The following GLRX3 variants were observed in gnomAD, a reference collection of about 807,000 sequenced individuals.
GLRX3 encodes glutaredoxin 3.
GLRX3 carries 22 observed loss-of-function variants against 49.5 expected under a neutral mutation model. The ratio of observed to expected loss-of-function variants is 0.44; its 90% CI spans 0.32 to 0.63. The LOEUF (loss-of-function observed/expected upper bound fraction) is 0.63. Ranked by LOEUF, GLRX3 falls within the 30% of genes least tolerant of loss-of-function variation. The pLI is 0.05. For synonymous variants in GLRX3, 133 were observed against 140.0 expected, an observed-to-expected ratio of 0.95 and a Z score of 0.35; for missense variants, 385 against 396.3, an observed-to-expected ratio of 0.97 and a Z score of 0.24.
chr10:130,169,037 T>C (rs754894867), intron 6 of GLRX3, among the ~76,000 whole-genome samples: 3 of 152,170 alleles, frequency 2.0e-5, no homozygotes, highest in African/African-American at 2.4e-5. Context: ...CTTGTGAGCT[T>C]TACACGTGTA....
chr10:130,146,402 G>A (rs2045437060), intron 2 of GLRX3, among the ~76,000 whole-genome samples: 1 of 152,166 alleles, frequency 6.6e-6, no homozygotes. Context: ...AGAATGTAGA[G>A]GAAGATGGAA....
chr10:130,158,302 T>A (rs1007970844), intron 2 of GLRX3, among the ~76,000 whole-genome samples: 1 of 151,696 alleles, frequency 6.6e-6, no homozygotes, highest in African/African-American at 2.4e-5. Context: ...AACCTCTGCC[T>A]CCCGGGTTCA....
At chr10:130,177,515 A>G (rs1481453484) in intron 10 of GLRX3, among the ~76,000 whole-genome samples, 1 of 152,162 alleles carries the variant, frequency 6.6e-6, no homozygotes, top group Non-Finnish European at 1.5e-5. Flanking sequence ...AGCCTCAGAG[A>G]GCAGAATTCT....
chr10:130,139,697 C>G (rs1263210561), intron 1 of GLRX3, among the ~76,000 whole-genome samples: 1 of 151,266 alleles, frequency 6.6e-6, no homozygotes, highest in East Asian at 1.9e-4. Flanking sequence ...GCAAACCCAG[C>G]ACTTTGGGAG....
intron 7 of GLRX3, among the ~76,000 whole-genome samples, chr10:130,171,213 T>C (rs186838724): frequency 2.4e-3 from 365 of 152,304 alleles, no homozygotes; most frequent in Non-Finnish European, 3.3e-3. Context: ...GTCATAATCA[T>C]TGCAAAAAGG....
intron 2 of GLRX3, among the ~76,000 whole-genome samples, chr10:130,150,876 C>T (rs1224443359): frequency 6.6e-6 from 1 of 150,944 alleles, no homozygotes; most frequent in Non-Finnish European, 1.5e-5. Flanking sequence ...TGTTGGATTT[C>T]ATTCTACAGG....
chr10:130,144,403 C>T (rs949149081), intron 1 of GLRX3, among the ~76,000 whole-genome samples: 2 of 151,124 alleles, frequency 1.3e-5, no homozygotes, highest in Non-Finnish European at 2.9e-5. Flanking sequence ...AACCCATCAT[C>T]TAGGTTTTAA....
chr10:130,163,291 G>A (rs1225085426), intron 4 of GLRX3, among the ~76,000 whole-genome samples: 1 of 152,068 alleles, frequency 6.6e-6, no homozygotes, highest in African/African-American at 2.4e-5. Flanking sequence ...TGGGCATGGT[G>A]GAGTCCTGTA....
At position 130,175,995 on chromosome 10, in the gene GLRX3, C is replaced by T. The variant is rs539135669; in HGVS notation, c.957+906C>T. On this transcript the variant is annotated intron_variant, in intron 10 of 10. Transcript: ENST00000331244. ...CCCGAAAAGTGGGTTGCTGACTGCC[C>T]TCAGGCCTTCCTCTTGCCTCAATCC... Among the ~76,000 whole-genome samples the T allele has an allele frequency of 2.8e-4, 43 of 152,306 alleles. No individual in the cohort carries two copies. In the East Asian group the frequency reaches 7.3e-3, roughly 26 times the overall value.
chr10:130,140,086 C>G (rs1862146035), intron 1 of GLRX3, among the ~76,000 whole-genome samples: 1 of 152,184 alleles, frequency 6.6e-6, no homozygotes, highest in Admixed American at 6.5e-5. Flanking sequence ...TTGCTGAAAT[C>G]TCAGCTGGTT....
intron 2 of GLRX3, among the ~76,000 whole-genome samples, chr10:130,153,656 TC>T (rs1465061315): frequency 6.6e-6 from 1 of 152,138 alleles, no homozygotes; most frequent in Non-Finnish European, 1.5e-5. Flanking sequence ...TGCTGCCTGA[TC>T]CTTCCTCTGG....
At chr10:130,167,893 C>T (rs1486877659) in intron 6 of GLRX3, among the ~76,000 whole-genome samples, 1 of 152,172 alleles carries the variant, frequency 6.6e-6, no homozygotes, top group African/African-American at 2.4e-5. Flanking sequence ...TACTCCTCAT[C>T]CCTTTTTTGA....
At chr10:130,169,278 A>C (rs1862755720) in intron 6 of GLRX3, among the ~76,000 whole-genome samples, 155 bp from the exon 7 acceptor site, 1 of 152,222 alleles carries the variant, frequency 6.6e-6, no homozygotes, top group African/African-American at 2.4e-5. Context: ...GAATGAAATC[A>C]AGGAAAATGT....
Position 130,156,011 on chromosome 10 carries a change from T to C in GLRX3, c.202-3984T>C, listed in dbSNP as rs530113976. On this transcript the variant is annotated intron_variant, in intron 2 of 10. Transcript: ENST00000331244. Reference sequence around the variant, plus strand: ...GCAGCAGCCATGAAGTGGAACATGGTGTAGGGAGGCGCTTGGCTCCAGAGA... The same window carrying C: ...GCAGCAGCCATGAAGTGGAACATGGCGTAGGGAGGCGCTTGGCTCCAGAGA... Among the ~76,000 whole-genome samples the C allele has an allele frequency of 6.5e-4, 99 of 152,300 alleles. No individual in the cohort carries two copies. In the Middle Eastern group the frequency reaches 0.041, roughly 63 times the overall value.
chr10:130,161,110 G>T (rs559445412), intron 4 of GLRX3, 113 bp downstream of exon 4: 258 of 702,654 alleles, frequency 3.7e-4, no homozygotes, highest in Admixed American at 6.6e-4. Flanking sequence ...TCTTATACTT[G>T]TGTTCACATA....
chr10:130,139,026 TA>T, intron 1 of GLRX3, among the ~76,000 whole-genome samples: 1 of 151,816 alleles, frequency 6.6e-6, no homozygotes, highest in Non-Finnish European at 1.5e-5. Context: ...CACGCCTGGC[TA>T]ATTTTTGCAT....
intron 1 of GLRX3, among the ~76,000 whole-genome samples, chr10:130,144,787 AT>A (rs1862240788): frequency 6.6e-6 from 1 of 152,172 alleles, no homozygotes; most frequent in African/African-American, 2.4e-5. Context: ...ATGTGTCTTT[AT>A]AGTAGAATGA....
At position 130,160,912 on chromosome 10, in the gene GLRX3, A is replaced by T; in HGVS notation, c.393A>T (p.Glu131Asp). Residue 131 changes from glutamate (E) to aspartate (D), a missense_variant, in exon 4 of 11, where the codon GAA (glutamate) becomes GAT (aspartate). Transcript: ENST00000331244. The stretch of plus-strand genomic sequence containing the variant: ...CCAGCGCTAATGAACATCTTAAAGA[A>T]GATCTCAACCTTCGCTTGAAGAAAT... ...FLPSANEHLKEDLNLRLKKLT... is the reference protein window; with the variant it reads ...FLPSANEHLKDDLNLRLKKLT... 1 of 1,613,636 alleles carries T rather than the reference A, an allele frequency of 6.2e-7. No individual in the cohort carries two copies. The highest frequency in any genetic ancestry group is 8.5e-7 in the Non-Finnish European group (1 of 1,179,518).
intron 1 of GLRX3, among the ~76,000 whole-genome samples, chr10:130,140,001 G>A (rs112573977): frequency 0.02 from 3,017 of 152,220 alleles, 116 homozygotes; most frequent in African/African-American, 0.068. Flanking sequence ...CCAAATCATC[G>A]CTTCTCCAAT....
Sources: gnomAD v4.1 joint callset for allele counts (sites outside exome capture counted in the v4.1 genomes callset) on GRCh38, gnomAD v4.1.1 for gene constraint, MANE v1.5 for transcripts, NCBI Gene and HGNC (gene_info 2026-07-23, HGNC 2026-07-21) for gene names.